Variants in PKD2L1 observed in about 807,000 individuals in gnomAD.
The protein encoded by PKD2L1 is polycystin-2-like protein 1.
PKD2L1 carries 77 observed loss-of-function variants against 93.0 expected under a neutral mutation model. That is an observed-to-expected ratio of 0.83 (90% CI 0.69 to 1.00). PKD2L1 has a LOEUF of 1.00. Among genes scored for constraint, PKD2L1 ranks in the 50% least tolerant of loss-of-function variants. The pLI is 0.00. For synonymous variants in PKD2L1, 390 were observed against 388.0 expected (o/e 1.01, Z -0.06); for missense variants, 977 against 990.9 (o/e 0.99, Z 0.19).
intron 7 of PKD2L1, among the ~76,000 whole-genome samples, chr10:100,295,901 T>C (rs1848523222): frequency 6.6e-6 from 1 of 151,030 alleles, no homozygotes. Flanking sequence ...CCAGGCGTGG[T>C]GGTGGGTGCC....
At chr10:100,306,855 C>CAAAAAAAAAAAAAAAAAAAAAAAAAAAA (rs61413476) in intron 2 of PKD2L1, among the ~76,000 whole-genome samples, 6 of 49,838 alleles carry the variant, frequency 1.2e-4, no homozygotes, top group African/African-American at 4.6e-4. Context: ...GAGACCCTGT[C>CAAAAAAAAAAAAAAAAAAAAAAAAAAAA]AAAAAAAAAA....
At chr10:100,304,611 C>A (rs1444516161) in intron 2 of PKD2L1, among the ~76,000 whole-genome samples, 1 of 151,988 alleles carries the variant, frequency 6.6e-6, no homozygotes, top group Non-Finnish European at 1.5e-5. Context: ...CCTCCCATCT[C>A]AGCCTCCTGA....
rs139186189 is a variant in PKD2L1, at chr10:100,322,302, C to T, written c.349+6909G>A. ...AACATTTTGGGAGGCCGAGGTGGGC[C>T]GATCACTTGAGGTCAGGAGTTCCAG... On this transcript the variant is annotated intron_variant, in intron 2 of 15. Coordinates refer to ENST00000318222, the MANE Select transcript of PKD2L1 (RefSeq NM_016112.3). 9.1e-3 allele frequency among the ~76,000 whole-genome samples: 1,375 copies of T among 151,360 alleles called. 18 individuals carry two copies. Among genetic ancestry groups the T allele is most frequent in the African/African-American group, 0.031 (1,295 of 41,230 alleles).
Position 100,298,706 on chromosome 10 carries a change from C to G in PKD2L1, c.587G>C (p.Gly196Ala), listed in dbSNP as rs1446541182. The G allele has an allele frequency of 6.2e-7, 1 of 1,614,100 alleles. No homozygotes were observed. The highest frequency in any genetic ancestry group is 1.7e-5 in the Admixed American group (1 of 60,010). ...CTTTAGCTGCCGCAGCCTCGGAACC[C>G]CCAGCAGCATGTTCTCATAGTAGAT... ...SFIYYENMLLGVPRLRQLKVR... is the reference protein window; with the variant it reads ...SFIYYENMLLAVPRLRQLKVR... The change falls in exon 4 of 16, where the codon GGG becomes GCG. Residue 196 changes from glycine to alanine, a missense_variant. Transcript: ENST00000318222.
rs1394863292 is a variant in PKD2L1 at position 100,328,321 on chromosome 10, TCA to T, written c.349+888_349+889del. ...CTCTCAACTTAGAGATCAAAATTTC[TCA>T]GTTTGTGTCTATAGCTAGAGCCTCA... is the stretch of plus-strand genomic sequence containing the variant. On this transcript the variant is annotated intron_variant, in intron 2 of 15. Transcript: ENST00000318222. Among the ~76,000 whole-genome samples the T allele has an allele frequency of 6.6e-5, 10 of 152,322 alleles. No individual in the cohort carries two copies. The East Asian group carries it at 1.9e-3, about 29-fold the overall frequency.
chr10:100,318,970 C>T (rs188531958), intron 2 of PKD2L1, among the ~76,000 whole-genome samples: 123 of 151,886 alleles, frequency 8.1e-4, no homozygotes, highest in African/African-American at 2.9e-3. Flanking sequence ...CTCAGCTTCC[C>T]GAGTAGCTGG....
intron 2 of PKD2L1, among the ~76,000 whole-genome samples, chr10:100,322,437 C>T (rs1849283023): frequency 6.6e-6 from 1 of 151,114 alleles, no homozygotes. Flanking sequence ...TGAGGCAGGA[C>T]ACTGCACTCC....
intron 2 of PKD2L1, among the ~76,000 whole-genome samples, chr10:100,310,603 C>G (rs909738256): frequency 6.6e-6 from 1 of 152,054 alleles, no homozygotes; most frequent in East Asian, 1.9e-4. Context: ...CAGGCACACA[C>G]GCACACACAC....
Position 100,296,996 on chromosome 10 carries a change from T to C in PKD2L1, c.1169A>G (p.Asp390Gly), listed in dbSNP as rs778170269. The change falls in exon 6 of 16, where the codon GAC becomes GGC. Residue 390 changes from aspartate (D) to glycine (G), a missense_variant. Coordinates refer to ENST00000318222, the MANE Select transcript of PKD2L1 (RefSeq NM_016112.3). ...GTCCCTCACCAAGATGACCACCAGG[T>C]CCAGTATGTTCCAGATGCTGCTGAG... ...RYLSSIWNIL[D>G]LVVILLSIVA... The C allele has an allele frequency of 6.2e-7, 1 of 1,611,760 alleles. No individual in the cohort carries two copies. The highest frequency in any genetic ancestry group is 8.5e-7 in the Non-Finnish European group (1 of 1,177,908).
chr10:100,307,849 C>G (rs978676517), intron 2 of PKD2L1, among the ~76,000 whole-genome samples: 2 of 152,172 alleles, frequency 1.3e-5, no homozygotes, highest in Admixed American at 1.3e-4. Context: ...CTAGGGCTGG[C>G]CTTCCCAGCT....
At chr10:100,298,422 G>A (rs1260593992) in intron 4 of PKD2L1, 140 bp downstream of exon 4, 3 of 816,022 alleles carry the variant, frequency 3.7e-6, no homozygotes, top group Non-Finnish European at 5.9e-6. Context: ...TCACAGCTGG[G>A]ATTCAGGGAG....
chr10:100,307,832 G>T (rs1284093377), intron 2 of PKD2L1, among the ~76,000 whole-genome samples: 1 of 152,174 alleles, frequency 6.6e-6, no homozygotes. Context: ...CTCACATGGA[G>T]GGGGTTCTAG....
At chr10:100,289,905 A>T (rs941488068) in intron 14 of PKD2L1, 110 bp downstream of exon 14, 7 of 1,211,278 alleles carry the variant, frequency 5.8e-6, no homozygotes, top group Non-Finnish European at 8.4e-6. Context: ...TTTCCCCAGG[A>T]GCCTGAAAAC....
intron 7 of PKD2L1, among the ~76,000 whole-genome samples, chr10:100,295,622 A>G (rs1848513562): frequency 6.8e-6 from 1 of 147,238 alleles, no homozygotes; most frequent in African/African-American, 2.5e-5. Context: ...AATCCCAGCT[A>G]CTCAGGAGGC....
Position 100,297,179 on chromosome 10 carries a change from C to T in PKD2L1, c.986G>A (p.Gly329Asp). Residue 329 changes from glycine to aspartate, a missense_variant, in exon 6 of 16, where the codon GGT becomes GAT. Transcript: ENST00000318222. ...GCGGATTTGCCAGGATGGGATGGCA[C>T]CTCCTGTAGCTGGAAACTCCACCAC... ...RLVVEFPATG[G>D]AIPSWQIRTV... 7 of 1,613,994 alleles carry T rather than the reference C, an allele frequency of 4.3e-6. 1 individual carries two copies. The highest frequency in any genetic ancestry group is 3.3e-4 in the Middle Eastern group (2 of 6,062).
intron 2 of PKD2L1, 25 bp from the exon 3 acceptor site, chr10:100,299,743 G>A: frequency 6.2e-7 from 1 of 1,610,950 alleles, no homozygotes; most frequent in Non-Finnish European, 8.5e-7. Context: ...AAGAGGCTAT[G>A]TCCTTCTCAC....
chr10:100,326,286 T>A (rs561533793), intron 2 of PKD2L1, among the ~76,000 whole-genome samples: 28 of 152,268 alleles, frequency 1.8e-4, no homozygotes, highest in Admixed American at 1.7e-3. Context: ...GGCCCCTTCT[T>A]ATAAGGCCAG....
intron 2 of PKD2L1, among the ~76,000 whole-genome samples, chr10:100,324,973 G>A (rs551413935): frequency 6.6e-6 from 1 of 152,334 alleles, no homozygotes; most frequent in African/African-American, 2.4e-5. Flanking sequence ...CTTGGTGCCA[G>A]CTTTCAGGCT....
chr10:100,326,722 T>G (rs1192816971), intron 2 of PKD2L1, among the ~76,000 whole-genome samples: 1 of 152,178 alleles, frequency 6.6e-6, no homozygotes, highest in Non-Finnish European at 1.5e-5. Context: ...CATAATCCTA[T>G]TGGATTGGGT....
Sources: allele counts gnomAD v4.1 joint callset (sites outside exome capture counted in the v4.1 genomes callset), GRCh38; gene constraint gnomAD v4.1.1; transcripts MANE v1.5; gene names NCBI Gene and HGNC (gene_info 2026-07-23, HGNC 2026-07-21).